SLC24A2: variants seen among roughly 807,000 people sequenced by gnomAD.
The protein encoded by SLC24A2 is sodium/potassium/calcium exchanger 2.
Under a neutral mutation model 62.0 loss-of-function variants are expected in SLC24A2, and 36 were observed. That is an observed-to-expected ratio of 0.58 (90% CI 0.44 to 0.77). The LOEUF is 0.77. Ranked by LOEUF, SLC24A2 falls within the 30% of genes least tolerant of loss-of-function variation. The pLI, the probability that SLC24A2 is intolerant of heterozygous loss-of-function variation, is 0.00. For synonymous variants in SLC24A2, 358 were observed against 294.0 expected (o/e 1.22, Z -2.23); for missense variants, 846 against 817.9 (o/e 1.03, Z -0.42).
the SLC24A2 span, among the ~76,000 whole-genome samples, chr9:19,867,868 A>C: frequency 1.3e-5 from 2 of 152,168 alleles, no homozygotes; most frequent in African/African-American, 4.8e-5. Flanking sequence ...AGATTGCCCC[A>C]CTGCCCTCCA....
At chr9:20,028,569 C>G in the SLC24A2 span, among the ~76,000 whole-genome samples, 2 of 152,188 alleles carry the variant, frequency 1.3e-5, no homozygotes, top group African/African-American at 4.8e-5. Context: ...CCAAAGGACC[C>G]AAATGGCTCC....
At chr9:19,834,003 G>A in the SLC24A2 span, among the ~76,000 whole-genome samples, 1 of 152,206 alleles carries the variant, frequency 6.6e-6, no homozygotes, top group Non-Finnish European at 1.5e-5. Flanking sequence ...CAACAGACCT[G>A]CAGCTGAGGG....
the SLC24A2 span, among the ~76,000 whole-genome samples, chr9:20,286,322 G>A: frequency 1.3e-5 from 2 of 152,200 alleles, no homozygotes; most frequent in African/African-American, 4.8e-5. Context: ...GCAGCTCAGG[G>A]AGATGATGTG....
At chr9:20,201,219 C>T in the SLC24A2 span, among the ~76,000 whole-genome samples, 1 of 152,292 alleles carries the variant, frequency 6.6e-6, no homozygotes, top group Middle Eastern at 3.4e-3. Flanking sequence ...TTTTGTTTTG[C>T]CCCAAACTTC....
At chr9:19,522,673 T>A (rs1335936656) in intron 9 of SLC24A2, among the ~76,000 whole-genome samples, 1 of 152,152 alleles carries the variant, frequency 6.6e-6, no homozygotes, top group African/African-American at 2.4e-5. Context: ...GTATGCAGGA[T>A]CCTCACCTTG....
chr9:19,891,837 A>C, the SLC24A2 span, among the ~76,000 whole-genome samples: 2 of 152,198 alleles, frequency 1.3e-5, no homozygotes. Flanking sequence ...TTAGGATGGC[A>C]CTAAACCATG....
At chr9:19,843,899 TGAC>T in the SLC24A2 span, among the ~76,000 whole-genome samples, 1 of 152,208 alleles carries the variant, frequency 6.6e-6, no homozygotes, top group Non-Finnish European at 1.5e-5. Flanking sequence ...TGTATATGTA[TGAC>T]ATTTTCTTTG....
At position 19,537,028 on chromosome 9, in the gene SLC24A2, T is replaced by C. The variant is rs369244900; in HGVS notation, c.1480-8890A>G. On this transcript the variant is annotated intron_variant, in intron 8 of 10. Coordinates refer to ENST00000341998, the MANE Select transcript of SLC24A2 (RefSeq NM_020344.4). ...TTGAGAAGTGTCTGTTCATGTCCTT[T>C]GCCCACTTTTTGATGGGGTTGTTTG... Among the ~76,000 whole-genome samples, 15 of 148,094 alleles carry C rather than the reference T, an allele frequency of 1.0e-4. No homozygotes were observed. In the East Asian group the frequency reaches 1.2e-3, roughly 12 times the overall value.
chr9:20,078,636 C>T, the SLC24A2 span, among the ~76,000 whole-genome samples: 1 of 152,198 alleles, frequency 6.6e-6, no homozygotes, highest in Non-Finnish European at 1.5e-5. Context: ...CACCCACCTC[C>T]ATCTCCCTTC....
At chr9:20,176,373 T>G in the SLC24A2 span, among the ~76,000 whole-genome samples, 1 of 152,070 alleles carries the variant, frequency 6.6e-6, no homozygotes, top group Non-Finnish European at 1.5e-5. Flanking sequence ...TAAATCATAA[T>G]CACAGAAAAA....
the SLC24A2 span, among the ~76,000 whole-genome samples, chr9:19,981,286 T>C: frequency 6.6e-6 from 1 of 152,180 alleles, no homozygotes; most frequent in Non-Finnish European, 1.5e-5. Context: ...GAGCACTTAG[T>C]ATTGTCAAGC....
the SLC24A2 span, among the ~76,000 whole-genome samples, chr9:20,186,952 G>T: frequency 1.3e-5 from 2 of 152,140 alleles, no homozygotes; most frequent in African/African-American, 2.4e-5. Context: ...ATCAAGTTCT[G>T]AGTCTTGTCC....
chr9:19,560,879 TTG>T (rs779469797), intron 7 of SLC24A2, among the ~76,000 whole-genome samples: 1,613 of 137,044 alleles, frequency 0.012, 34 homozygotes, highest in African/African-American at 0.042. Context: ...GTCTTTGCAT[TTG>T]TGTGTGTGTG....
At chr9:19,715,847 G>T (rs1161762814) in intron 2 of SLC24A2, among the ~76,000 whole-genome samples, 1 of 152,186 alleles carries the variant, frequency 6.6e-6, no homozygotes, top group African/African-American at 2.4e-5. Context: ...ATACAAATCT[G>T]TTGTTTTTCT....
chr9:20,136,888 A>G, the SLC24A2 span, among the ~76,000 whole-genome samples: 1 of 152,096 alleles, frequency 6.6e-6, no homozygotes, highest in Admixed American at 6.6e-5. Context: ...CACCTTTTTA[A>G]CCTTCTCACA....
At chr9:19,780,750 G>A (rs541897603) in intron 2 of SLC24A2, among the ~76,000 whole-genome samples, 2 of 151,714 alleles carry the variant, frequency 1.3e-5, no homozygotes, top group South Asian at 2.1e-4. Flanking sequence ...GCAGGCACCT[G>A]TAGTCTCAGC....
chr9:19,602,511 C>A (rs1009959654), intron 4 of SLC24A2, among the ~76,000 whole-genome samples: 2 of 152,142 alleles, frequency 1.3e-5, no homozygotes, highest in Admixed American at 6.5e-5. Flanking sequence ...AATCTAACAT[C>A]AGGTACATTG....
At chr9:19,668,886 G>C (rs145064550) in intron 2 of SLC24A2, among the ~76,000 whole-genome samples, 502 of 152,200 alleles carry the variant, frequency 3.3e-3, no homozygotes, top group African/African-American at 0.011. Context: ...CCCTAATATA[G>C]TGTTATGTAT....
chr9:19,587,268 C>A (rs1836401654), intron 5 of SLC24A2, among the ~76,000 whole-genome samples: 2 of 152,042 alleles, frequency 1.3e-5, no homozygotes, highest in Non-Finnish European at 1.5e-5. Context: ...TTTTGAGGAA[C>A]CTATATATTA....
Sources: gnomAD v4.1 joint callset for allele counts (sites outside exome capture counted in the v4.1 genomes callset) on GRCh38, gnomAD v4.1.1 for gene constraint, MANE v1.5 for transcripts, NCBI Gene and HGNC (gene_info 2026-07-23, HGNC 2026-07-21) for gene names.